The following ALDH4A1 variants were observed in gnomAD, a reference collection of about 807,000 sequenced individuals.
ALDH4A1 encodes the protein aldehyde dehydrogenase 4 family member A1.
Under a neutral mutation model 70.5 loss-of-function variants are expected in ALDH4A1, and 46 were observed. That is an observed-to-expected ratio of 0.65 (90% CI 0.51 to 0.83). The LOEUF (loss-of-function observed/expected upper bound fraction) is 0.83. Among genes scored for constraint, ALDH4A1 ranks in the 40% least tolerant of loss-of-function variants. The pLI is 0.00. For synonymous variants in ALDH4A1, 323 were observed against 324.3 expected, an observed-to-expected ratio of 1.00 and a Z score of 0.04; for missense variants, 749 against 766.5, an observed-to-expected ratio of 0.98 and a Z score of 0.27.
intron 1 of ALDH4A1, among the ~76,000 whole-genome samples, chr1:18,896,034 C>T (rs928947986): frequency 5.9e-5 from 9 of 152,160 alleles, no homozygotes; most frequent in Admixed American, 2.6e-4. Flanking sequence ...CCGGTCACCC[C>T]GGTCTCTTCT....
chr1:18,875,943 C>T (rs906021880), intron 12 of ALDH4A1, among the ~76,000 whole-genome samples: 1 of 152,226 alleles, frequency 6.6e-6, no homozygotes, highest in Non-Finnish European at 1.5e-5. Context: ...AGTGCCTTGA[C>T]CTCAGTTTCT....
chr1:18,895,318 G>A (rs1935580560), intron 1 of ALDH4A1, among the ~76,000 whole-genome samples: 1 of 152,160 alleles, frequency 6.6e-6, no homozygotes, highest in African/African-American at 2.4e-5. Flanking sequence ...ACCTCAAGTT[G>A]GTCCCCCTCA....
In ALDH4A1 at chr1:18,902,488, C is replaced by T; in HGVS notation, c.36G>A (p.Leu12=). ...LLPAPALRRA[L]LSRPWTGAGL... is the part of the protein sequence containing the mutation. The stretch of plus-strand genomic sequence containing the variant: ...CGGCCCCGGTCCAGGGGCGGGACAG[C>T]AGGGCGCGGCGGAGCGCGGGCGCCG... Residue 12 remains leucine (L), a synonymous_variant, in exon 1 of 15, where the codon CTG becomes CTA. Transcript: ENST00000375341. 3.4e-6 allele frequency: 5 copies of T among 1,470,844 alleles called. No homozygotes were observed. Among genetic ancestry groups the T allele is most frequent in the Non-Finnish European group, 4.5e-6 (5 of 1,111,142 alleles). 91.1% of individuals were successfully genotyped at this position (1,470,844 alleles called of 1,614,324 possible). A position where few individuals can be genotyped will look rare whatever the true frequency, so the allele number is the denominator to read the frequency against.
chr1:18,889,613 C>T (rs1030603204), intron 2 of ALDH4A1, among the ~76,000 whole-genome samples, 159 bp from the exon 3 acceptor site: 4 of 152,286 alleles, frequency 2.6e-5, no homozygotes, highest in Admixed American at 6.5e-5. Context: ...GTGCTGCCCT[C>T]GGGGACAGCC....
rs572526370 is a variant in ALDH4A1, at chr1:18,880,549, C to T, written c.866+1151G>A. Among the ~76,000 whole-genome samples, 1 of 152,110 alleles carries T rather than the reference C, an allele frequency of 6.6e-6. No homozygotes were observed. Among genetic ancestry groups the T allele is most frequent in the Non-Finnish European group, 1.5e-5 (1 of 68,022 alleles). ...TCAACAGTCCCTGGCCAGTCTCCTG[C>T]ATCAGGTCACAGAGAGATCACTGAG... On this transcript the variant is annotated intron_variant, in intron 8 of 14. Transcript: ENST00000375341. This position sits in a 1 kb window ranked among gnomAD's most constrained non-coding sequence, Gnocchi z 5.1.
chr1:18,892,908 C>T lies in ALDH4A1; in HGVS notation c.63-2803G>A, dbSNP rs76743974. On this transcript the variant is annotated intron_variant, in intron 1 of 14. Transcript: ENST00000375341. ...CATGAGAAGAATGGAGAGGCAGCCA[C>T]GAGTCTCCACAGTCCCTCAGGAAGG... Among the ~76,000 whole-genome samples the T allele has an allele frequency of 5.6e-3, 847 of 152,236 alleles. 14 individuals carry two copies. Among genetic ancestry groups the T allele is most frequent in the South Asian group, 0.046 (223 of 4,826 alleles).
intron 1 of ALDH4A1, among the ~76,000 whole-genome samples, chr1:18,894,391 A>C (rs1456302421): frequency 1.3e-5 from 2 of 152,160 alleles, no homozygotes; most frequent in East Asian, 3.9e-4. Flanking sequence ...AACTACAAAA[A>C]AATTAGCCAG....
chr1:18,877,337 C>CG (rs1329496686), intron 10 of ALDH4A1, 79 bp downstream of exon 10: 3 of 1,554,822 alleles, frequency 1.9e-6, no homozygotes, highest in Middle Eastern at 1.7e-4. Flanking sequence ...ACCCCAGCCC[C>CG]GGCTGCAGAG....
intron 1 of ALDH4A1, among the ~76,000 whole-genome samples, chr1:18,891,820 G>A (rs996489799): frequency 1.3e-5 from 2 of 152,172 alleles, no homozygotes; most frequent in Admixed American, 1.3e-4. Context: ...TTGAGGTCAG[G>A]AGTGTGAGAC....
In ALDH4A1 at chr1:18,877,396, G is replaced by T. The variant is rs1053479092; in HGVS notation, c.1137+20C>A. On this transcript the variant is annotated intron_variant, in intron 10 of 14. Transcript: ENST00000375341. ...ATCAGCCCCCCGCTGGGCCGCGGCG[G>T]GGGTGACGGTGCCACTCACGTCGCC... 1.3e-6 allele frequency: 2 copies of T among 1,557,714 alleles called. No homozygotes were observed. Among genetic ancestry groups the T allele is most frequent in the Admixed American group, 3.8e-5 (2 of 52,622 alleles).
rs1934506121 is a variant in ALDH4A1, at chr1:18,872,898, T to C, written c.1639A>G (p.Ile547Val). 1.2e-6 allele frequency: 2 copies of C among 1,614,010 alleles called. No individual in the cohort carries two copies. Among genetic ancestry groups the C allele is most frequent in the African/African-American group, 1.3e-5 (1 of 74,932 alleles). The stretch of plus-strand genomic sequence containing the variant: ...CCCAGGGGCTTATGTGTCTCCTTGA[T>C]GACCTGCGGCGACGTCCAGCGCAGG... ...YILRWTSPQV[I>V]KETHKPLGDW... The change falls in exon 15 of 15, where the codon ATC becomes GTC. Residue 547 changes from isoleucine (I) to valine (V), a missense_variant. Coordinates refer to ENST00000375341, the MANE Select transcript of ALDH4A1 (RefSeq NM_003748.4).
chr1:18,877,377 C>T (rs1188843360), intron 10 of ALDH4A1, 39 bp downstream of exon 10: 1 of 1,553,198 alleles, frequency 6.4e-7, no homozygotes, highest in Non-Finnish European at 8.7e-7. Context: ...TCCCATCAGC[C>T]CCCCGCTGGG....
At chr1:18,889,669 C>G (rs751786628) in intron 2 of ALDH4A1, among the ~76,000 whole-genome samples, 1 of 152,156 alleles carries the variant, frequency 6.6e-6, no homozygotes, top group African/African-American at 2.4e-5. Context: ...GTGAGGTCTA[C>G]CCATGACACA....
chr1:18,883,224 C>A (rs2100575872), intron 6 of ALDH4A1, 26 bp from the exon 7 acceptor site: 1 of 1,613,142 alleles, frequency 6.2e-7, no homozygotes. Context: ...GCGGTGAGAT[C>A]AGGCCCATGG....
At chr1:18,873,740 T>A (rs1011344204) in intron 14 of ALDH4A1, among the ~76,000 whole-genome samples, 1 of 152,176 alleles carries the variant, frequency 6.6e-6, no homozygotes, top group Non-Finnish European at 1.5e-5. Context: ...TGGCTGTTCA[T>A]CTGTATCCTT....
intron 1 of ALDH4A1, among the ~76,000 whole-genome samples, chr1:18,892,752 T>C (rs1301989936): frequency 6.6e-6 from 1 of 152,002 alleles, no homozygotes; most frequent in Non-Finnish European, 1.5e-5. Flanking sequence ...TGTGTGACCT[T>C]GGGCAAGTCA....
Position 18,898,844 on chromosome 1 carries a change from G to A in ALDH4A1, c.62+3618C>T, listed in dbSNP as rs1181751313. On this transcript the variant is annotated intron_variant, in intron 1 of 14. Transcript: ENST00000375341. This position sits in a 1 kb window ranked among gnomAD's most constrained non-coding sequence, Gnocchi z 4.3. ...GCAGGCTGCTCCCAGGGGTGCCACTGCCAAGCACTGCCTCAATGGCGCTTT... is the reference window on the plus strand; with the variant it reads ...GCAGGCTGCTCCCAGGGGTGCCACTACCAAGCACTGCCTCAATGGCGCTTT... Among the ~76,000 whole-genome samples the A allele has an allele frequency of 6.6e-6, 1 of 152,208 alleles. No individual in the cohort carries two copies. Among genetic ancestry groups the A allele is most frequent in the Admixed American group, 6.5e-5 (1 of 15,278 alleles).
At chr1:18,893,048 C>A (rs79031419) in intron 1 of ALDH4A1, among the ~76,000 whole-genome samples, 4 of 152,300 alleles carry the variant, frequency 2.6e-5, no homozygotes, top group East Asian at 3.9e-4. Context: ...CCACACCCAC[C>A]AAAGATGGTG....
In ALDH4A1 at chr1:18,883,290, G is replaced by A. The variant is rs531481821; in HGVS notation, c.592C>T (p.Arg198Trp). 84 of 1,613,236 alleles carry A rather than the reference G, an allele frequency of 5.2e-5. No homozygotes were observed. The highest frequency in any genetic ancestry group is 2.9e-4 in the South Asian group (26 of 91,080). The change falls in exon 6 of 15, where the codon CGG (arginine) becomes TGG (tryptophan). Residue 198 changes from arginine (R) to tryptophan (W), a missense_variant. Arg to Trp is a moderately radical substitution (Grantham distance 101, BLOSUM62 -3). Coordinates refer to ENST00000375341, the MANE Select transcript of ALDH4A1 (RefSeq NM_003748.4). ...VPPSTNSTVY[R>W]GLEGFVAAIS... ...CCTCCTGCAGGTACCTCCAGACCCCGGTACACCGTGCTGTTGGTGCTCGGG... is the reference window on the plus strand; with the variant it reads ...CCTCCTGCAGGTACCTCCAGACCCCAGTACACCGTGCTGTTGGTGCTCGGG...
Sources: gnomAD v4.1 joint callset for allele counts (sites outside exome capture counted in the v4.1 genomes callset) on GRCh38, gnomAD v4.1.1 for gene constraint, Gnocchi (gnomAD v3.1) non-coding constraint, MANE v1.5 for transcripts, NCBI Gene and HGNC (gene_info 2026-07-23, HGNC 2026-07-21) for gene names.